Variants in TRDN observed in about 807,000 individuals in gnomAD.
The protein encoded by TRDN is triadin.
A neutral mutation model predicts 149.7 loss-of-function variants in TRDN; 161 were observed. The ratio of observed to expected loss-of-function variants is 1.08; its 90% CI spans 0.95 to 1.23. The LOEUF is 1.23. TRDN is among the 50% of genes most tolerant of loss of function. The pLI, the probability that TRDN is intolerant of heterozygous loss-of-function variation, is 0.00. For synonymous variants in TRDN, 294 were observed against 250.5 expected, an observed-to-expected ratio of 1.17 and a Z score of -1.64; for missense variants, 896 against 823.5, an observed-to-expected ratio of 1.09 and a Z score of -1.08.
At chr6:123,350,519 T>C in intron 21 of TRDN, 5 of 659,052 alleles carry the variant, frequency 7.6e-6, no homozygotes, top group Non-Finnish European at 9.4e-6. Context: ...AAAAACTATG[T>C]AAGAAAGCAA....
chr6:123,224,207 GT>G, intron 38 of TRDN, 76 bp from the exon 39 acceptor site: 1 of 1,395,776 alleles, frequency 7.2e-7, no homozygotes, highest in Non-Finnish European at 1.0e-6. Context: ...GTATTTAAAG[GT>G]TTTTAAGAGT....
At chr6:123,619,855 T>G (rs1263125967) in intron 1 of TRDN, among the ~76,000 whole-genome samples, 1 of 152,070 alleles carries the variant, frequency 6.6e-6, no homozygotes, top group Non-Finnish European at 1.5e-5. Flanking sequence ...AGACTGTGCA[T>G]ACAGATAAAA....
intron 24 of TRDN, among the ~76,000 whole-genome samples, chr6:123,279,514 T>G (rs901395777): frequency 6.6e-6 from 1 of 152,102 alleles, no homozygotes; most frequent in African/African-American, 2.4e-5. Context: ...ATTTGAATAG[T>G]CAACACTTTT....
chr6:123,547,228 A>C (rs1287613989), intron 4 of TRDN, 112 bp downstream of exon 4: 4 of 659,622 alleles, frequency 6.1e-6, no homozygotes, highest in Admixed American at 3.9e-5. Flanking sequence ...TCTTGACCTA[A>C]TTATTAAACA....
chr6:123,311,363 G>A (rs1778812854), intron 24 of TRDN, among the ~76,000 whole-genome samples: 1 of 151,896 alleles, frequency 6.6e-6, no homozygotes, highest in African/African-American at 2.4e-5. Flanking sequence ...AGGATTATGG[G>A]GATTACAATT....
chr6:123,344,374 G>T (rs922360016), intron 21 of TRDN, among the ~76,000 whole-genome samples: 8 of 151,936 alleles, frequency 5.3e-5, no homozygotes, highest in African/African-American at 1.9e-4. Context: ...ATCTGCCATT[G>T]TAGTTTCATT....
intron 12 of TRDN, among the ~76,000 whole-genome samples, chr6:123,412,996 A>G (rs1394508932): frequency 6.6e-6 from 1 of 152,196 alleles, no homozygotes; most frequent in Non-Finnish European, 1.5e-5. Context: ...AGAACTAAAC[A>G]TGATTACTTA....
chr6:123,301,331 C>T (rs1778389090), intron 24 of TRDN, among the ~76,000 whole-genome samples: 1 of 151,898 alleles, frequency 6.6e-6, no homozygotes, highest in Non-Finnish European at 1.5e-5. Context: ...CTATCTGTGA[C>T]ACTGTAAATC....
At chr6:123,499,975 C>A (rs1264007469) in intron 8 of TRDN, among the ~76,000 whole-genome samples, 3 of 151,288 alleles carry the variant, frequency 2.0e-5, no homozygotes, top group Non-Finnish European at 2.9e-5. Context: ...ATTTTGGTAC[C>A]TGCAGGGAAT....
chr6:123,563,774 T>C (rs956986389), intron 2 of TRDN, among the ~76,000 whole-genome samples: 4 of 152,184 alleles, frequency 2.6e-5, no homozygotes, highest in Non-Finnish European at 5.9e-5. Context: ...AGTTGAGGTT[T>C]AGTTTTGGAA....
chr6:123,633,885 A>G (rs540302789), intron 1 of TRDN, among the ~76,000 whole-genome samples: 2 of 152,144 alleles, frequency 1.3e-5, no homozygotes, highest in Admixed American at 6.6e-5. Context: ...GAGGCATGAA[A>G]TTTATCCTCA....
In TRDN at chr6:123,503,720, T is replaced by A; in HGVS notation, c.792A>T (p.Lys264Asn). The A allele has an allele frequency of 6.2e-7, 1 of 1,613,724 alleles. No individual in the cohort carries two copies. Among genetic ancestry groups the A allele is most frequent in the East Asian group, 2.2e-5 (1 of 44,834 alleles). ...CAGCCTCCTGCTCTGAATGTTTACCTTTCTGTTCATGCTTTGACACAGCTG... is the reference window on the plus strand; with the variant it reads ...CAGCCTCCTGCTCTGAATGTTTACCATTCTGTTCATGCTTTGACACAGCTG... ...EKAAVSKHEQ[K>N]DQYAFCRYMI... is the part of the protein sequence containing the mutation. The change falls in exon 8 of 41, where the codon AAA (lysine) becomes AAT (asparagine). Residue 264 changes from lysine to asparagine, a missense_variant and splice_region_variant. Coordinates refer to ENST00000334268, the MANE Select transcript of TRDN (RefSeq NM_006073.4).
chr6:123,426,939 T>G (rs1774145721), intron 12 of TRDN, among the ~76,000 whole-genome samples: 1 of 152,158 alleles, frequency 6.6e-6, no homozygotes. Context: ...ATTCTTATTT[T>G]ATGGTCTAGA....
intron 29 of TRDN, among the ~76,000 whole-genome samples, chr6:123,271,429 C>T (rs1325074021): frequency 1.3e-5 from 2 of 151,962 alleles, no homozygotes; most frequent in African/African-American, 4.8e-5. Flanking sequence ...TGTTCCCTAA[C>T]ATGCCAATAT....
At chr6:123,484,819 T>C (rs969387304) in intron 9 of TRDN, among the ~76,000 whole-genome samples, 1 of 152,200 alleles carries the variant, frequency 6.6e-6, no homozygotes, top group Non-Finnish European at 1.5e-5. Context: ...TTTGTTTTCT[T>C]TTCTGGACAT....
chr6:123,531,677 C>T (rs1780261218), intron 4 of TRDN, among the ~76,000 whole-genome samples: 1 of 152,064 alleles, frequency 6.6e-6, no homozygotes, highest in Non-Finnish European at 1.5e-5. Context: ...GTAAGGCACT[C>T]ATTCTTGTCC....
intron 10 of TRDN, among the ~76,000 whole-genome samples, chr6:123,450,734 T>C (rs932042022): frequency 7.9e-5 from 12 of 151,990 alleles, no homozygotes; most frequent in African/African-American, 2.7e-4. Flanking sequence ...TTAAACTATA[T>C]CTTGGAACAA....
chr6:123,401,515 A>C (rs149794326), intron 12 of TRDN, among the ~76,000 whole-genome samples: 1 of 152,344 alleles, frequency 6.6e-6, no homozygotes, highest in African/African-American at 2.4e-5. Context: ...GGAATAAGGC[A>C]TCTATATTAC....
At chr6:123,247,583 C>T (rs751180645) in intron 38 of TRDN, among the ~76,000 whole-genome samples, 2 of 152,114 alleles carry the variant, frequency 1.3e-5, no homozygotes, top group Non-Finnish European at 1.5e-5. Flanking sequence ...CAAACCATTG[C>T]TTAAGAAAAT....
Sources: gnomAD v4.1 joint callset for allele counts (sites outside exome capture counted in the v4.1 genomes callset) on GRCh38, gnomAD v4.1.1 for gene constraint, MANE v1.5 for transcripts, NCBI Gene and HGNC (gene_info 2026-07-23, HGNC 2026-07-21) for gene names.